The following SP7 variants were observed in gnomAD, a reference collection of about 807,000 sequenced individuals.
SP7 encodes Sp7 transcription factor.
A neutral mutation model predicts 27.9 loss-of-function variants in SP7; 13 were observed. The ratio of observed to expected loss-of-function variants is 0.47; its 90% CI spans 0.30 to 0.74. The LOEUF (loss-of-function observed/expected upper bound fraction) is 0.74, where lower values mean the gene tolerates loss of function less well. Among genes scored for constraint, SP7 ranks in the 30% least tolerant of loss-of-function variants. The pLI, the probability that SP7 is intolerant of heterozygous loss-of-function variation, is 0.06. For missense variants in SP7, 525 were observed against 558.0 expected, an observed-to-expected ratio of 0.94 and a Z score of 0.60; for synonymous variants, 219 against 226.7, an observed-to-expected ratio of 0.97 and a Z score of 0.31.
At chr12:53,329,908 A>G (rs1056724660) in intron 2 of SP7, among the ~76,000 whole-genome samples, 2 of 150,828 alleles carry the variant, frequency 1.3e-5, no homozygotes, top group South Asian at 2.1e-4. Context: ...ATTTTTTTGT[A>G]TTTTTAGTAG....
chr12:53,339,067 C>T (rs1179742826), upstream of SP7, among the ~76,000 whole-genome samples: 2 of 152,138 alleles, frequency 1.3e-5, no homozygotes, highest in African/African-American at 2.4e-5. Flanking sequence ...CAGGGAGAGG[C>T]GCCATGTGGC....
chr12:53,331,862 T>G (rs888866004), intron 2 of SP7, among the ~76,000 whole-genome samples: 1 of 152,196 alleles, frequency 6.6e-6, no homozygotes, highest in African/African-American at 2.4e-5. Context: ...GCATGTAGTA[T>G]GTGTACGATG....
At chr12:53,339,225 A>G (rs1944801671), upstream of SP7, among the ~76,000 whole-genome samples, 1 of 152,190 alleles carries the variant, frequency 6.6e-6, no homozygotes. Context: ...TGGATGCCCC[A>G]GACGGAAGGG....
chr12:53,336,597 G>A (rs942882094), upstream of SP7, among the ~76,000 whole-genome samples: 3 of 152,050 alleles, frequency 2.0e-5, no homozygotes, highest in Admixed American at 6.5e-5. Context: ...GAACACAGAC[G>A]GACACACACA....
At position 53,342,725 on chromosome 12, in the gene SP7, G is replaced by A. The variant is rs191893453; in HGVS notation, c.-34+2389C>T. Among the ~76,000 whole-genome samples, 25 of 151,996 alleles carry A rather than the reference G, an allele frequency of 1.6e-4. No homozygotes were observed. In the East Asian group the frequency reaches 4.9e-3, roughly 30 times the overall value. The stretch of plus-strand genomic sequence containing the variant: ...CAGCTACTTGGGAGGCTGAGGCAGA[G>A]AATTGCTTGAACCTGGGAGGCGGGG... On this transcript the variant is annotated intron_variant, in intron 1 of 1. Coordinates refer to the SP7 transcript ENST00000547755.
intron 1 of SP7, among the ~76,000 whole-genome samples, chr12:53,343,771 G>A (rs1223468525): frequency 6.6e-6 from 1 of 152,104 alleles, no homozygotes; most frequent in Non-Finnish European, 1.5e-5. Context: ...GTCAGTGGAG[G>A]GGGCCAGCAC....
chr12:53,334,347 C>CAT (rs1565792687), intron 2 of SP7, among the ~76,000 whole-genome samples: 1 of 151,154 alleles, frequency 6.6e-6, no homozygotes, highest in African/African-American at 2.4e-5. Flanking sequence ...CACACACACA[C>CAT]ACACACACAC....
Position 53,328,467 on chromosome 12 carries a change from G to A in SP7, c.975C>T (p.Val325=), listed in dbSNP as rs1045763950. Residue 325 remains valine, a synonymous_variant, in exon 3 of 3, where the codon GTC becomes GTT. Transcript: ENST00000536324. The surrounding 1 kb of genome is among the most constrained non-coding windows in gnomAD (Gnocchi z 5.1). ...LRWHTGERPF[V]CNWLFCGKRF... Reference sequence around the variant, plus strand: ...TCTTGCCGCAGAAGAGCCAGTTGCAGACGAAGGGCCTCTCGCCTGTGTGCC... The same window carrying A: ...TCTTGCCGCAGAAGAGCCAGTTGCAAACGAAGGGCCTCTCGCCTGTGTGCC... The A allele has an allele frequency of 6.2e-7, 1 of 1,613,842 alleles. No homozygotes were observed. Among genetic ancestry groups the A allele is most frequent in the Non-Finnish European group, 8.5e-7 (1 of 1,179,902 alleles).
chr12:53,329,258 C>A lies in SP7; in HGVS notation c.184G>T (p.Asp62Tyr), dbSNP rs2136836404. 1 of 1,613,790 alleles carries A rather than the reference C, an allele frequency of 6.2e-7. No homozygotes were observed. Among genetic ancestry groups the A allele is most frequent in the Non-Finnish European group, 8.5e-7 (1 of 1,179,882 alleles). ...CTTGTAAAGGGGGCTGGATAAGCAT[C>A]CCCCATGGTTTTGGAGGCTGAAAGG... ...SDLSASKTMG[D>Y]AYPAPFTSTN... The change falls in exon 3 of 3, where the codon GAT becomes TAT. Residue 62 changes from aspartate (D) to tyrosine (Y), a missense_variant. Asp to Tyr is a radical substitution (Grantham distance 160, BLOSUM62 -3). Coordinates refer to ENST00000536324, the MANE Select transcript of SP7 (RefSeq NM_001173467.3).
At chr12:53,342,296 C>T (rs1054999930) in intron 1 of SP7, among the ~76,000 whole-genome samples, 17 of 152,062 alleles carry the variant, frequency 1.1e-4, no homozygotes, top group Non-Finnish European at 2.2e-4. Context: ...CACGTCTCCC[C>T]GCTTTCTCTG....
chr12:53,331,287 T>C (rs1944700428), intron 2 of SP7, among the ~76,000 whole-genome samples: 1 of 151,922 alleles, frequency 6.6e-6, no homozygotes, highest in Non-Finnish European at 1.5e-5. Context: ...CTGGCCAAGA[T>C]GGTGAAACCC....
intron 2 of SP7, among the ~76,000 whole-genome samples, chr12:53,330,924 CTG>C (rs1049525672): frequency 6.6e-6 from 1 of 152,246 alleles, no homozygotes; most frequent in Non-Finnish European, 1.5e-5. Context: ...CAAGCCCAAA[CTG>C]TGGCTGAGAC....
At position 53,328,553 on chromosome 12, in the gene SP7, G is replaced by A. The variant is rs781456752; in HGVS notation, c.889C>T (p.His297Tyr). 2.5e-6 allele frequency: 4 copies of A among 1,612,204 alleles called. No homozygotes were observed. The highest frequency in any genetic ancestry group is 2.5e-6 in the Non-Finnish European group (3 of 1,178,736). The change falls in exon 3 of 3, where the codon CAC becomes TAC. Residue 297 changes from histidine (H) to tyrosine (Y), a missense_variant. Physicochemically the swap from His to Tyr is moderately conservative, Grantham distance 83. Transcript: ENST00000536324. This position sits in a 1 kb window ranked among gnomAD's most constrained non-coding sequence, Gnocchi z 5.1. ...TACACCTTGCCGCAGCCAGGGATGT[G>A]GCAGCTGTGGATGGGCTTCTTCCGC... The part of the protein sequence containing the change: ...GLRKKPIHSC[H>Y]IPGCGKVYGK...
At position 53,329,367 on chromosome 12, in the gene SP7, G is replaced by T; in HGVS notation, c.75C>A (p.Ser25Arg). The T allele has an allele frequency of 6.2e-7, 1 of 1,613,974 alleles. No homozygotes were observed. Among genetic ancestry groups the T allele is most frequent in the Non-Finnish European group, 8.5e-7 (1 of 1,179,884 alleles). ...GCAGAGGGCTAGAGCCACCAAATTT[G>T]CTGCACGCTGCCGTCAGCATGGCCA... Reference protein sequence around the residue: ...SPLAMLTAACSKFGGSSPLRD... With the variant: ...SPLAMLTAACRKFGGSSPLRD... Residue 25 changes from serine to arginine, a missense_variant, in exon 3 of 3, where the codon AGC becomes AGA. Transcript: ENST00000536324.
upstream of SP7, among the ~76,000 whole-genome samples, chr12:53,337,791 A>C (rs1944785023): frequency 6.6e-6 from 1 of 152,140 alleles, no homozygotes; most frequent in South Asian, 2.1e-4. Context: ...ATTTACCTCA[A>C]GGAACTCTGG....
At chr12:53,335,558 G>T (rs148224118) in intron 2 of SP7, 68 bp downstream of exon 2, 3 of 806,554 alleles carry the variant, frequency 3.7e-6, no homozygotes, top group Non-Finnish European at 6.4e-6. Context: ...GTTGGAGGAG[G>T]TGGGTGGGCA....
chr12:53,344,198 G>A lies in SP7; in HGVS notation c.-34+916C>T, dbSNP rs189504109. On this transcript the variant is annotated intron_variant, in intron 1 of 1. Coordinates refer to the SP7 transcript ENST00000547755. The surrounding 1 kb of genome is among the most constrained non-coding windows in gnomAD (Gnocchi z 4.6). Reference sequence around the variant, plus strand: ...TGTTGATGTGTGCACTTGCACACAGGATATGCAGGCATTTTAGAGGTATCT... The same window carrying A: ...TGTTGATGTGTGCACTTGCACACAGAATATGCAGGCATTTTAGAGGTATCT... Among the ~76,000 whole-genome samples, 172 of 152,266 alleles carry A rather than the reference G, an allele frequency of 1.1e-3. 1 individual carries two copies. Among genetic ancestry groups the A allele is most frequent in the Non-Finnish European group, 3.5e-4 (24 of 68,010 alleles).
At chr12:53,334,165 A>T (rs894122021) in intron 2 of SP7, among the ~76,000 whole-genome samples, 3 of 152,140 alleles carry the variant, frequency 2.0e-5, no homozygotes, top group African/African-American at 7.2e-5. Context: ...CTCCCATTGC[A>T]GCTACGGGTA....
Position 53,329,117 on chromosome 12 carries a change from C to A in SP7, c.325G>T (p.Gly109Trp). The change falls in exon 3 of 3, where the codon GGG becomes TGG. Residue 109 changes from glycine to tryptophan, a missense_variant. Gly to Trp is a radical substitution (Grantham distance 184). Coordinates refer to ENST00000536324, the MANE Select transcript of SP7 (RefSeq NM_001173467.3). ...FPGPTGTQDP[G>W]LLVPKGHSSS... The stretch of plus-strand genomic sequence containing the variant: ...CTGTGCCCCTTGGGCACTAGTAGCC[C>A]AGGGTCCTGGGTGCCTGTGGGCCCA... 2 of 1,613,840 alleles carry A rather than the reference C, an allele frequency of 1.2e-6. No individual in the cohort carries two copies. The highest frequency in any genetic ancestry group is 1.3e-5 in the African/African-American group (1 of 75,036).
Sources: gnomAD v4.1 joint callset for allele counts (sites outside exome capture counted in the v4.1 genomes callset) on GRCh38, gnomAD v4.1.1 for gene constraint, Gnocchi (gnomAD v3.1) non-coding constraint, MANE v1.5 for transcripts, NCBI Gene and HGNC (gene_info 2026-07-23, HGNC 2026-07-21) for gene names.